The following AMPH variants were observed in gnomAD, a reference collection of about 807,000 sequenced individuals.
AMPH encodes amphiphysin, also known as amphiphysin (Stiff-Mann syndrome with breast cancer 128kD autoantigen).
In AMPH, 49 loss-of-function variants were observed where a neutral mutation model predicts 99.1. The ratio of observed to expected loss-of-function variants is 0.49; its 90% CI spans 0.39 to 0.63. The LOEUF (loss-of-function observed/expected upper bound fraction) is 0.63, where lower values mean the gene tolerates loss of function less well. AMPH is among the 20% of genes least tolerant of loss of function. The pLI is 0.00. For synonymous variants in AMPH, 314 were observed against 317.3 expected (o/e 0.99, Z 0.11); for missense variants, 759 against 863.4 (o/e 0.88, Z 1.52).
chr7:38,425,881 C>T (rs1422323985), intron 15 of AMPH, among the ~76,000 whole-genome samples: 3 of 152,064 alleles, frequency 2.0e-5, no homozygotes, highest in East Asian at 3.8e-4. Flanking sequence ...AAAGTTGTTA[C>T]TTTTAAAATT....
At chr7:38,535,608 T>C (rs1260766512) in intron 1 of AMPH, among the ~76,000 whole-genome samples, 3 of 152,212 alleles carry the variant, frequency 2.0e-5, no homozygotes, top group Non-Finnish European at 4.4e-5. Flanking sequence ...GAAATAATTA[T>C]ACAACTCACC....
chr7:38,614,637 A>G (rs1245541869), intron 1 of AMPH, among the ~76,000 whole-genome samples: 1 of 152,130 alleles, frequency 6.6e-6, no homozygotes, highest in Non-Finnish European at 1.5e-5. Flanking sequence ...ACTTAAGATG[A>G]GCTGTAAAGG....
At chr7:38,470,943 A>G (rs1463495862) in intron 7 of AMPH, among the ~76,000 whole-genome samples, 2 of 152,112 alleles carry the variant, frequency 1.3e-5, no homozygotes, top group African/African-American at 2.4e-5. Flanking sequence ...TTTTTTCTGC[A>G]TTGAACTTAT....
chr7:38,388,320 C>T (rs1345946657), intron 20 of AMPH, among the ~76,000 whole-genome samples: 1 of 151,772 alleles, frequency 6.6e-6, no homozygotes, highest in African/African-American at 2.4e-5. Context: ...ATGCTGACAC[C>T]TTTTCTTTGT....
At chr7:38,511,659 G>A (rs552794887) in intron 2 of AMPH, among the ~76,000 whole-genome samples, 7 of 152,280 alleles carry the variant, frequency 4.6e-5, no homozygotes, top group Non-Finnish European at 1.5e-5. Flanking sequence ...AAACAGAATT[G>A]TAATTATGGA....
intron 2 of AMPH, among the ~76,000 whole-genome samples, chr7:38,525,179 G>GTA (rs889138349): frequency 3.6e-4 from 54 of 148,206 alleles, no homozygotes; most frequent in African/African-American, 1.1e-3. Flanking sequence ...ATATAGTTGT[G>GTA]TATATATATA....
intron 1 of AMPH, among the ~76,000 whole-genome samples, chr7:38,537,810 C>T (rs572491269): frequency 7.9e-5 from 12 of 152,232 alleles, no homozygotes; most frequent in South Asian, 2.1e-4. Flanking sequence ...AGTTGGTAAA[C>T]GCACAAATAC....
rs553315726 is a variant in AMPH, at chr7:38,454,974, G to A, written c.1017+6309C>T. ...ATGATAGTACAGTCTCAATTTTATA[G>A]TGCAAAATTGATATATACTCAGTGA... is the stretch of plus-strand genomic sequence containing the variant. On this transcript the variant is annotated intron_variant, in intron 11 of 20. Transcript: ENST00000356264. Among the ~76,000 whole-genome samples, 207 of 152,296 alleles carry A rather than the reference G, an allele frequency of 1.4e-3. 1 individual carries two copies. The highest frequency in any genetic ancestry group is 6.8e-3 in the Middle Eastern group (2 of 294).
chr7:38,427,878 T>C, intron 14 of AMPH: 1 of 456,714 alleles, frequency 2.2e-6, no homozygotes, highest in Admixed American at 2.3e-5. Flanking sequence ...CAACAATCCA[T>C]ATCTCTGGTT....
At chr7:38,386,081 T>G (rs936894539) in intron 20 of AMPH, among the ~76,000 whole-genome samples, 1 of 152,136 alleles carries the variant, frequency 6.6e-6, no homozygotes, top group Non-Finnish European at 1.5e-5. Flanking sequence ...TGCTGCCATA[T>G]AGACAAGAAA....
intron 17 of AMPH, among the ~76,000 whole-genome samples, chr7:38,415,489 T>C (rs1395532449): frequency 2.6e-5 from 4 of 152,212 alleles, no homozygotes; most frequent in African/African-American, 9.6e-5. Flanking sequence ...AGCAACCTAA[T>C]AGACCTTTCT....
At chr7:38,471,894 T>C (rs939282327) in intron 7 of AMPH, among the ~76,000 whole-genome samples, 2 of 152,062 alleles carry the variant, frequency 1.3e-5, no homozygotes, top group Non-Finnish European at 2.9e-5. Context: ...GGACAGTTTA[T>C]AAAGAAAAAA....
At chr7:38,551,972 CA>C (rs1214310194) in intron 1 of AMPH, among the ~76,000 whole-genome samples, 1 of 151,968 alleles carries the variant, frequency 6.6e-6, no homozygotes, top group African/African-American at 2.4e-5. Flanking sequence ...TGTTGAAGGC[CA>C]AACTAAAGGA....
chr7:38,425,690 C>G (rs974163771), intron 15 of AMPH, among the ~76,000 whole-genome samples: 2 of 152,062 alleles, frequency 1.3e-5, no homozygotes, highest in African/African-American at 4.8e-5. Context: ...CTTCACCTTC[C>G]AGAGAGATGA....
intron 4 of AMPH, among the ~76,000 whole-genome samples, chr7:38,492,281 T>G (rs887398619): frequency 6.6e-6 from 1 of 152,130 alleles, no homozygotes; most frequent in Admixed American, 6.5e-5. Context: ...TGGGCTGTCT[T>G]CCAGACTTCA....
At chr7:38,561,241 C>T (rs570731625) in intron 1 of AMPH, among the ~76,000 whole-genome samples, 8 of 152,284 alleles carry the variant, frequency 5.3e-5, no homozygotes, top group African/African-American at 1.9e-4. Flanking sequence ...AATAACGAAC[C>T]ACGAAGTTCC....
intron 1 of AMPH, among the ~76,000 whole-genome samples, chr7:38,620,698 G>T (rs1794029990): frequency 6.6e-6 from 1 of 151,920 alleles, no homozygotes; most frequent in South Asian, 2.1e-4. Context: ...TTTGATAAGG[G>T]CTTTCTTTTT....
chr7:38,624,057 A>G (rs554335745), intron 1 of AMPH, among the ~76,000 whole-genome samples: 1 of 152,348 alleles, frequency 6.6e-6, no homozygotes, highest in Admixed American at 6.5e-5. Context: ...AATGACGATG[A>G]AACCCTTATG....
At chr7:38,617,955 T>C (rs959175177) in intron 1 of AMPH, among the ~76,000 whole-genome samples, 1 of 152,208 alleles carries the variant, frequency 6.6e-6, no homozygotes, top group African/African-American at 2.4e-5. Context: ...ATACTATGGC[T>C]AAAAACTAAT....
Sources: allele counts gnomAD v4.1 joint callset (sites outside exome capture counted in the v4.1 genomes callset), GRCh38; gene constraint gnomAD v4.1.1; transcripts MANE v1.5; gene names NCBI Gene and HGNC (gene_info 2026-07-23, HGNC 2026-07-21).